The following TNFRSF11A variants were observed in gnomAD, a reference collection of about 807,000 sequenced individuals.
TNFRSF11A encodes the protein TNF receptor superfamily member 11a.
TNFRSF11A carries 32 observed loss-of-function variants against 55.7 expected under a neutral mutation model. The ratio of observed to expected loss-of-function variants is 0.57; its 90% confidence interval spans 0.43 to 0.77. The LOEUF is 0.77. TNFRSF11A is among the 30% of genes least tolerant of loss of function. TNFRSF11A has a pLI of 0.00. For synonymous variants in TNFRSF11A, 311 were observed against 331.0 expected (o/e 0.94, Z 0.65); for missense variants, 753 against 809.8 (o/e 0.93, Z 0.85).
At chr18:62,380,004 G>A (rs1911155018) in intron 9 of TNFRSF11A, among the ~76,000 whole-genome samples, 1 of 152,206 alleles carries the variant, frequency 6.6e-6, no homozygotes, top group Non-Finnish European at 1.5e-5. Context: ...CCAGAGTAAT[G>A]CTCCTAAGAG....
In TNFRSF11A at chr18:62,390,904, T is replaced by C. The variant is rs770191955; in HGVS notation, c.*5870T>C. ...CAGTAAAATTCACCCTTTTTAGATATATAGTTTTATGAGTTTTAACAAAAA... is the reference window on the plus strand; with the variant it reads ...CAGTAAAATTCACCCTTTTTAGATACATAGTTTTATGAGTTTTAACAAAAA... On this transcript the variant is annotated 3_prime_UTR_variant, in exon 10 of 10. Coordinates refer to ENST00000586569, the MANE Select transcript of TNFRSF11A (RefSeq NM_003839.4). 8 of 152,358 alleles carry C rather than the reference T, an allele frequency of 5.3e-5. No homozygotes were observed. The highest frequency in any genetic ancestry group is 8.8e-5 in the Non-Finnish European group (6 of 68,040). The allele number at this position is 152,358 out of a possible 1,614,324, so 9.4% of individuals were successfully genotyped here.
At chr18:62,367,063 T>C (rs566413544) in intron 8 of TNFRSF11A, among the ~76,000 whole-genome samples, 2 of 152,362 alleles carry the variant, frequency 1.3e-5, no homozygotes, top group African/African-American at 2.4e-5. Context: ...TTGGCCACGC[T>C]AGTCTCGAAC....
rs1229192702 is a variant in TNFRSF11A at position 62,368,921 on chromosome 18, TA to T, written c.1005del (p.Ile335MetfsTer52). ...RMLSLVSKTE[I>X]EEDSFRQMPT... ...CTCTCATTGGTCAGCAAGACCGAGATAGAGGAAGACAGCTTCAGACAGATGC... is the reference window on the plus strand; with the variant it reads ...CTCTCATTGGTCAGCAAGACCGAGATGAGGAAGACAGCTTCAGACAGATGC... On this transcript the variant is annotated frameshift_variant, in exon 9 of 10. Coordinates refer to ENST00000586569, the MANE Select transcript of TNFRSF11A (RefSeq NM_003839.4). LOFTEE classifies it high-confidence loss of function. The T allele has an allele frequency of 1.2e-6, 2 of 1,614,084 alleles. No individual in the cohort carries two copies. The highest frequency in any genetic ancestry group is 1.7e-6 in the Non-Finnish European group (2 of 1,180,044).
chr18:62,372,476 CTT>C (rs1173320415), intron 9 of TNFRSF11A, among the ~76,000 whole-genome samples: 9 of 139,276 alleles, frequency 6.5e-5, no homozygotes, highest in Admixed American at 2.9e-4. Flanking sequence ...TTGGGGTGGT[CTT>C]TTTTTTTTTT....
chr18:62,363,977 C>G (rs1414883496), intron 7 of TNFRSF11A, among the ~76,000 whole-genome samples: 1 of 152,174 alleles, frequency 6.6e-6, no homozygotes, highest in African/African-American at 2.4e-5. Context: ...ACACTGGGGT[C>G]TCAATATCGA....
At chr18:62,328,925 C>T (rs1463294824) in intron 1 of TNFRSF11A, among the ~76,000 whole-genome samples, 1 of 152,174 alleles carries the variant, frequency 6.6e-6, no homozygotes, top group Non-Finnish European at 1.5e-5. Flanking sequence ...GAACTTCTTA[C>T]ATCAGGAAAA....
At chr18:62,336,782 C>T (rs958509051) in intron 1 of TNFRSF11A, 5 of 152,224 alleles carry the variant, frequency 3.3e-5, no homozygotes, top group Admixed American at 6.5e-5. Context: ...GCAGACTCTT[C>T]ACTCTTATCT....
At chr18:62,367,788 CTTTTTTTTTTTTT>C (rs67721371) in intron 8 of TNFRSF11A, among the ~76,000 whole-genome samples, 6 of 78,670 alleles carry the variant, frequency 7.6e-5, no homozygotes, top group African/African-American at 2.0e-4. Context: ...TCTTCTTCTT[CTTTTTTTTTTTTT>C]TTTTTTTTTT....
chr18:62,377,130 T>C (rs1910958400), intron 9 of TNFRSF11A, among the ~76,000 whole-genome samples: 1 of 152,184 alleles, frequency 6.6e-6, no homozygotes, highest in Non-Finnish European at 1.5e-5. Context: ...TTAGCCAAGA[T>C]GGTCTCCATC....
rs751166559 is a variant in TNFRSF11A, at chr18:62,325,769, C to T, written c.75+342C>T. ...TACTAAGCGCTTGCGCCGGGCGGTG[C>T]CGCGGGAGACAGCGCCGTGGGCACC... On this transcript the variant is annotated intron_variant, in intron 1 of 9. Coordinates refer to ENST00000586569, the MANE Select transcript of TNFRSF11A (RefSeq NM_003839.4). The surrounding 1 kb of genome is among the most constrained non-coding windows in gnomAD (Gnocchi z 4.7). 6.6e-6 allele frequency among the ~76,000 whole-genome samples: 1 copy of T among 152,222 alleles called. No homozygotes were observed. Among genetic ancestry groups the T allele is most frequent in the Admixed American group, 6.5e-5 (1 of 15,290 alleles).
At chr18:62,380,021 G>A (rs559189193) in intron 9 of TNFRSF11A, among the ~76,000 whole-genome samples, 46 of 152,328 alleles carry the variant, frequency 3.0e-4, no homozygotes, top group African/African-American at 8.9e-4. Flanking sequence ...AGAGTTGCCC[G>A]CGCCTTCAGG....
intron 1 of TNFRSF11A, among the ~76,000 whole-genome samples, chr18:62,332,519 C>G (rs1228093291): frequency 6.6e-6 from 1 of 152,166 alleles, no homozygotes; most frequent in Non-Finnish European, 1.5e-5. Flanking sequence ...TTGAATAATT[C>G]CTAATATCAG....
chr18:62,351,946 G>A (rs1016266068), intron 3 of TNFRSF11A, among the ~76,000 whole-genome samples: 3 of 152,108 alleles, frequency 2.0e-5, no homozygotes, highest in African/African-American at 7.2e-5. Context: ...ACAGGCACGT[G>A]CCACCATGCC....
At chr18:62,373,907 C>T (rs1910723736) in intron 9 of TNFRSF11A, 1 of 152,262 alleles carries the variant, frequency 6.6e-6, no homozygotes, top group Non-Finnish European at 1.5e-5. Context: ...CATCCATTTC[C>T]ATTCTGAGAG....
chr18:62,352,956 G>A (rs1291822359), intron 3 of TNFRSF11A, among the ~76,000 whole-genome samples: 1 of 152,154 alleles, frequency 6.6e-6, no homozygotes, highest in Non-Finnish European at 1.5e-5. Context: ...AAGGTGCAGG[G>A]GCTGTTTGGA....
In TNFRSF11A at chr18:62,361,130, T is replaced by C. The variant is rs566361776; in HGVS notation, c.617-550T>C. Among the ~76,000 whole-genome samples the C allele has an allele frequency of 3.3e-5, 5 of 152,290 alleles. No individual in the cohort carries two copies. In the South Asian group the frequency reaches 1.0e-3, roughly 32 times the overall value. On this transcript the variant is annotated intron_variant, in intron 6 of 9. Coordinates refer to ENST00000586569, the MANE Select transcript of TNFRSF11A (RefSeq NM_003839.4). The stretch of plus-strand genomic sequence containing the variant: ...AGTAGGAGTCCAGGAAACCAGGTCA[T>C]GTAAATCAAGAGTTTTGAGCAAGGA...
At chr18:62,372,642 T>A (rs934119453) in intron 9 of TNFRSF11A, among the ~76,000 whole-genome samples, 1 of 152,198 alleles carries the variant, frequency 6.6e-6, no homozygotes, top group Admixed American at 6.5e-5. Flanking sequence ...GTATCTTCAA[T>A]CCTTGTTTCT....
At position 62,365,658 on chromosome 18, in the gene TNFRSF11A, A is replaced by G. The variant is rs78375085; in HGVS notation, c.731-1050A>G. On this transcript the variant is annotated intron_variant, in intron 7 of 9. Coordinates refer to ENST00000586569, the MANE Select transcript of TNFRSF11A (RefSeq NM_003839.4). ...ACTTGTTAAGAGAATGAGAATGTCT[A>G]TAGTCATAGCAGCACCTCTGACAGC... Among the ~76,000 whole-genome samples, 1,096 of 152,368 alleles carry G rather than the reference A, an allele frequency of 7.2e-3. 5 individuals carry two copies. Among genetic ancestry groups the G allele is most frequent in the African/African-American group, 0.011 (440 of 41,582 alleles).
At chr18:62,354,959 C>T (rs988480775) in intron 4 of TNFRSF11A, among the ~76,000 whole-genome samples, 1 of 152,182 alleles carries the variant, frequency 6.6e-6, no homozygotes, top group Non-Finnish European at 1.5e-5. Context: ...AGTTTTGTTA[C>T]AAGTTTGAAG....
Sources: gnomAD v4.1 joint callset for allele counts (sites outside exome capture counted in the v4.1 genomes callset) on GRCh38, gnomAD v4.1.1 for gene constraint, Gnocchi (gnomAD v3.1) non-coding constraint, MANE v1.5 for transcripts, NCBI Gene and HGNC (gene_info 2026-07-23, HGNC 2026-07-21) for gene names.